RHBDL2: variants seen among roughly 807,000 people sequenced by gnomAD.
RHBDL2 encodes the protein rhomboid-related protein 2.
Under a neutral mutation model 31.7 loss-of-function variants are expected in RHBDL2, and 26 were observed. The ratio of observed to expected loss-of-function variants is 0.82; its 90% CI spans 0.60 to 1.14. RHBDL2 has a LOEUF of 1.14. Among genes scored for constraint, RHBDL2 ranks in the 50% most tolerant of loss-of-function variants. The pLI, the probability that RHBDL2 is intolerant of heterozygous loss-of-function variation, is 0.00. For missense variants in RHBDL2, 336 were observed against 364.4 expected, an observed-to-expected ratio of 0.92 and a Z score of 0.63; for synonymous variants, 123 against 127.2, an observed-to-expected ratio of 0.97 and a Z score of 0.22.
chr1:38,909,339 A>C (rs1643111604), intron 4 of RHBDL2, among the ~76,000 whole-genome samples: 1 of 152,120 alleles, frequency 6.6e-6, no homozygotes, highest in Non-Finnish European at 1.5e-5. Flanking sequence ...TATCACGAGC[A>C]CAGGTAAAAT....
At chr1:38,909,882 A>G (rs1643117506) in intron 4 of RHBDL2, among the ~76,000 whole-genome samples, 2 of 152,362 alleles carry the variant, frequency 1.3e-5, no homozygotes, top group East Asian at 1.9e-4. Flanking sequence ...ACTTATATTC[A>G]TAAAAACATA....
chr1:38,895,572 C>T (rs1311783928), intron 5 of RHBDL2, among the ~76,000 whole-genome samples: 4 of 152,086 alleles, frequency 2.6e-5, no homozygotes, highest in African/African-American at 9.7e-5. Flanking sequence ...GGGAGGCCAA[C>T]GTGGGCAGAT....
Position 38,915,654 on chromosome 1 carries a change from C to T in RHBDL2, c.303G>A (p.Leu101=), listed in dbSNP as rs1267370946. Residue 101 remains leucine (L), a synonymous_variant, in exon 3 of 8, where the codon TTG becomes TTA. Coordinates refer to ENST00000372990, the MANE Select transcript of RHBDL2 (RefSeq NM_017821.5). ...AGGGACTCTCCAAGATGCCTGTGTC[C>T]AACGTGATCCACTGTTTCTGAGGCT... The part of the protein sequence containing the change: ...VWKPQKQWIT[L]DTGILESPFI... The T allele has an allele frequency of 1.2e-6, 2 of 1,613,968 alleles. No individual in the cohort carries two copies. The highest frequency in any genetic ancestry group is 1.3e-5 in the African/African-American group (1 of 74,892).
intron 4 of RHBDL2, among the ~76,000 whole-genome samples, chr1:38,906,835 C>A (rs1350023131): frequency 6.6e-6 from 1 of 152,038 alleles, no homozygotes; most frequent in African/African-American, 2.4e-5. Context: ...ATCAGTTCTC[C>A]CCAAATTGAT....
At chr1:38,902,204 T>TC (rs984781509) in intron 4 of RHBDL2, among the ~76,000 whole-genome samples, 33 of 125,880 alleles carry the variant, frequency 2.6e-4, no homozygotes, top group African/African-American at 9.5e-4. Flanking sequence ...TCTTTTTCTT[T>TC]TTTTTTTTTT....
rs141150431 is a variant in RHBDL2, at chr1:38,912,883, C to CATATATATAT, written c.396-1459_396-1450dup. Among the ~76,000 whole-genome samples the CATATATATAT allele has an allele frequency of 9.4e-4, 100 of 106,570 alleles. 1 individual carries two copies. The highest frequency in any genetic ancestry group is 2.9e-3 in the African/African-American group (59 of 20,412). The allele number at this position is 106,570 out of a possible 152,430, so 69.9% of individuals were successfully genotyped here. On this transcript the variant is annotated intron_variant, in intron 3 of 7. Transcript: ENST00000372990. Reference sequence around the variant, plus strand: ...AGGAAGCTAAGTAACTACCATATACCATATATATATATATATATATATATA... The same window carrying CATATATATAT: ...AGGAAGCTAAGTAACTACCATATACCATATATATATATATATATATATATATATATATATA...
chr1:38,908,599 G>A (rs191651166), intron 4 of RHBDL2, among the ~76,000 whole-genome samples: 36 of 148,712 alleles, frequency 2.4e-4, no homozygotes, highest in African/African-American at 6.7e-4. Context: ...TGTCCCCCTC[G>A]CAGGGCGTGC....
At chr1:38,902,412 A>AT (rs1349045664) in intron 4 of RHBDL2, among the ~76,000 whole-genome samples, 1 of 106,564 alleles carries the variant, frequency 9.4e-6, no homozygotes, top group Non-Finnish European at 1.8e-5. Flanking sequence ...TTATTTTTTT[A>AT]TTTTTTTTAT....
chr1:38,919,383 A>C, intron 1 of RHBDL2, 46 bp from the exon 2 acceptor site: 1 of 1,495,044 alleles, frequency 6.7e-7, no homozygotes, highest in Non-Finnish European at 8.9e-7. Flanking sequence ...AATGATCTAA[A>C]CCTCCTAAAT....
chr1:38,932,618 C>G (rs1188133637), intron 1 of RHBDL2, among the ~76,000 whole-genome samples: 1 of 152,148 alleles, frequency 6.6e-6, no homozygotes, highest in Non-Finnish European at 1.5e-5. Flanking sequence ...CGCCACCATG[C>G]CCAACTAATT....
At chr1:38,894,177 A>C (rs1479886271) in intron 5 of RHBDL2, among the ~76,000 whole-genome samples, 1 of 152,130 alleles carries the variant, frequency 6.6e-6, no homozygotes, top group East Asian at 1.9e-4. Flanking sequence ...TCTTGGGTTT[A>C]ACTTTTGGCC....
intron 4 of RHBDL2, among the ~76,000 whole-genome samples, chr1:38,909,539 C>G (rs796278175): frequency 6.6e-6 from 1 of 151,750 alleles, no homozygotes; most frequent in Non-Finnish European, 1.5e-5. Context: ...GTCAGGAGTT[C>G]GAGACCAGCC....
chr1:38,937,014 C>T (rs2124357769), intron 1 of RHBDL2, among the ~76,000 whole-genome samples: 1 of 149,956 alleles, frequency 6.7e-6, no homozygotes, highest in Non-Finnish European at 1.5e-5. Flanking sequence ...GTGGCACAGT[C>T]TCGGCTCACT....
chr1:38,903,925 ACAACTT>A (rs1643027381), intron 4 of RHBDL2, among the ~76,000 whole-genome samples: 1 of 152,220 alleles, frequency 6.6e-6, no homozygotes, highest in Non-Finnish European at 1.5e-5. Context: ...TATACAAACA[ACAACTT>A]CAACAAAGAT....
chr1:38,911,863 A>G (rs1013330281), intron 3 of RHBDL2, among the ~76,000 whole-genome samples: 3 of 151,650 alleles, frequency 2.0e-5, no homozygotes, highest in African/African-American at 4.8e-5. Flanking sequence ...CTGGAGTGCA[A>G]TGGCATGATC....
chr1:38,933,675 A>C (rs1452242813), intron 1 of RHBDL2, among the ~76,000 whole-genome samples: 1 of 151,334 alleles, frequency 6.6e-6, no homozygotes, highest in Non-Finnish European at 1.5e-5. Context: ...CCCCACCAGC[A>C]AACACATGGC....
chr1:38,898,362 A>G (rs1011198523), intron 4 of RHBDL2, among the ~76,000 whole-genome samples: 1 of 152,190 alleles, frequency 6.6e-6, no homozygotes, highest in East Asian at 1.9e-4. Flanking sequence ...GCTAACCTAT[A>G]GACTAGGGCT....
intron 7 of RHBDL2, among the ~76,000 whole-genome samples, chr1:38,887,449 C>CA (rs1019689862): frequency 4.0e-5 from 6 of 151,138 alleles, no homozygotes; most frequent in African/African-American, 1.5e-4. Flanking sequence ...TTTTTTGAGA[C>CA]AGAGTCACTC....
Position 38,919,132 on chromosome 1 carries a change from C to T in RHBDL2, c.81G>A (p.Glu27=), listed in dbSNP as rs749410678. 1.2e-6 allele frequency: 2 copies of T among 1,614,128 alleles called. No homozygotes were observed. The highest frequency in any genetic ancestry group is 1.6e-4 in the Middle Eastern group (1 of 6,062). ...CTCCCCCATCCTCTCTCATTTTCTCCTCTTCCTCCAGCTCTTCTTTCATCT... is the reference window on the plus strand; with the variant it reads ...CTCCCCCATCCTCTCTCATTTTCTCTTCTTCCTCCAGCTCTTCTTTCATCT... ...GREMKEELEE[E]EKMREDGGGK... The change falls in exon 2 of 8, where the codon GAG becomes GAA. Residue 27 remains glutamate (E), a synonymous_variant. Transcript: ENST00000372990.
Sources: gnomAD v4.1 joint callset for allele counts (sites outside exome capture counted in the v4.1 genomes callset) on GRCh38, gnomAD v4.1.1 for gene constraint, MANE v1.5 for transcripts, NCBI Gene and HGNC (gene_info 2026-07-23, HGNC 2026-07-21) for gene names.